The following PHACTR3 variants were observed in gnomAD, a reference collection of about 807,000 sequenced individuals.
PHACTR3 encodes phosphatase and actin regulator 3.
Under a neutral mutation model 66.8 loss-of-function variants are expected in PHACTR3, and 16 were observed. The ratio of observed to expected loss-of-function variants is 0.24; its 90% CI spans 0.16 to 0.36. PHACTR3 has a LOEUF of 0.36. Ranked by LOEUF, PHACTR3 falls within the 10% of genes least tolerant of loss-of-function variation. The pLI is 1.00. For missense variants in PHACTR3, 647 were observed against 719.9 expected (o/e 0.90, Z 1.16); for synonymous variants, 323 against 292.1 (o/e 1.11, Z -1.08).
At chr20:59,764,810 T>G (rs1348243817) in intron 4 of PHACTR3, among the ~76,000 whole-genome samples, 1 of 152,190 alleles carries the variant, frequency 6.6e-6, no homozygotes, top group African/African-American at 2.4e-5. Flanking sequence ...ATTAAAGGAC[T>G]TCAGAATAAT....
intron 1 of PHACTR3, among the ~76,000 whole-genome samples, chr20:59,674,877 CCG>C (rs1402694151): frequency 1.3e-4 from 14 of 104,480 alleles, no homozygotes; most frequent in Non-Finnish European, 2.4e-4. Context: ...CTCCTGTCCC[CCG>C]CTTCTCCTGT....
Position 59,755,603 on chromosome 20 carries a change from C to T in PHACTR3, c.541+239C>T, listed in dbSNP as rs146606158. ...ACGGCTGATAAGTGAAGGTACTTAA[C>T]GATGTTCATCTCCCTGGCACACCTA... On this transcript the variant is annotated intron_variant, in intron 4 of 12. Transcript: ENST00000371015. Among the ~76,000 whole-genome samples the T allele has an allele frequency of 4.4e-3, 644 of 147,432 alleles. 6 individuals are homozygous for T. The highest frequency in any genetic ancestry group is 0.013 in the African/African-American group (528 of 40,076).
chr20:59,845,141 T>C, intron 11 of PHACTR3, 48 bp from the exon 12 acceptor site: 1 of 1,212,370 alleles, frequency 8.2e-7, no homozygotes, highest in East Asian at 2.4e-5. Flanking sequence ...GCTAATTTCC[T>C]GATTTTTTTA....
At chr20:59,710,518 GCA>G (rs1182173268) in intron 1 of PHACTR3, among the ~76,000 whole-genome samples, 35 of 152,264 alleles carry the variant, frequency 2.3e-4, no homozygotes, top group Admixed American at 2.2e-3. Flanking sequence ...TAAAAGGCAG[GCA>G]CACACTTTCA....
In PHACTR3 at chr20:59,623,181, G is replaced by A. The variant is rs111391160; in HGVS notation, c.118+18049G>A. On this transcript the variant is annotated intron_variant, in intron 1 of 12. Coordinates refer to ENST00000371015, the MANE Select transcript of PHACTR3 (RefSeq NM_080672.5). ...TTTTAAAACTGGAAAAGTAGAACGCGCGCATGTTGAAAAATTCCAGGGCGG... is the reference window on the plus strand; with the variant it reads ...TTTTAAAACTGGAAAAGTAGAACGCACGCATGTTGAAAAATTCCAGGGCGG... Among the ~76,000 whole-genome samples the A allele has an allele frequency of 1.4e-3, 207 of 152,030 alleles. 1 individual carries two copies. The highest frequency in any genetic ancestry group is 4.8e-3 in the African/African-American group (198 of 41,458).
intron 1 of PHACTR3, among the ~76,000 whole-genome samples, chr20:59,741,754 CTT>C (rs5842281): frequency 1.4e-3 from 200 of 139,338 alleles, no homozygotes; most frequent in Middle Eastern, 3.7e-3. Flanking sequence ...TTCTTTCTTT[CTT>C]TTTTTTTTTT....
chr20:59,625,900 C>G (rs563484491), intron 1 of PHACTR3, among the ~76,000 whole-genome samples: 4 of 151,966 alleles, frequency 2.6e-5, no homozygotes, highest in African/African-American at 9.7e-5. Flanking sequence ...GAGGGTGCAC[C>G]GCTTGTATCT....
At chr20:59,778,769 G>C (rs2040622785) in intron 7 of PHACTR3, among the ~76,000 whole-genome samples, 2 of 152,216 alleles carry the variant, frequency 1.3e-5, no homozygotes, top group African/African-American at 4.8e-5. Flanking sequence ...ACAGGTGCCA[G>C]GTCCAGGGAG....
At chr20:59,840,202 T>G (rs184690663) in intron 9 of PHACTR3, among the ~76,000 whole-genome samples, 167 bp from the exon 10 acceptor site, 16 of 152,282 alleles carry the variant, frequency 1.1e-4, no homozygotes, top group African/African-American at 3.6e-4. Flanking sequence ...GACCATGATC[T>G]CCTGAGCAGT....
chr20:59,645,656 A>G (rs2035257252), intron 1 of PHACTR3, among the ~76,000 whole-genome samples: 1 of 152,178 alleles, frequency 6.6e-6, no homozygotes, highest in Admixed American at 6.5e-5. Context: ...AATTTATATA[A>G]TGATATACAT....
intron 1 of PHACTR3, among the ~76,000 whole-genome samples, chr20:59,620,782 A>G (rs1368757668): frequency 6.6e-6 from 1 of 151,560 alleles, no homozygotes; most frequent in Non-Finnish European, 1.5e-5. Flanking sequence ...ACCCTTTCCC[A>G]CCCTGGGAAT....
At chr20:59,743,370 A>T in intron 2 of PHACTR3, 102 bp downstream of exon 2, 2 of 1,400,308 alleles carry the variant, frequency 1.4e-6, no homozygotes, top group Non-Finnish European at 2.0e-6. Flanking sequence ...GCCCCTACAC[A>T]GGAGGGGCAG....
chr20:59,694,684 C>T (rs2037231667), intron 1 of PHACTR3, among the ~76,000 whole-genome samples: 1 of 152,136 alleles, frequency 6.6e-6, no homozygotes, highest in Admixed American at 6.5e-5. Context: ...AATAGTAGCA[C>T]CTACCTGGCT....
At chr20:59,837,985 A>G (rs1265310220) in intron 9 of PHACTR3, among the ~76,000 whole-genome samples, 1 of 152,206 alleles carries the variant, frequency 6.6e-6, no homozygotes, top group Admixed American at 6.5e-5. Context: ...AGCCTTAGAA[A>G]TAGAACTATC....
At chr20:59,618,322 TGTGAGTGTGTGTGTGC>T (rs2034108158) in intron 1 of PHACTR3, among the ~76,000 whole-genome samples, 1 of 151,702 alleles carries the variant, frequency 6.6e-6, no homozygotes, top group Admixed American at 6.6e-5. Context: ...AAGAGAGGGA[TGTGAGTGTGTGTGTGC>T]GTGAGTGTGT....
In PHACTR3 at chr20:59,604,674, C is replaced by G. The variant is rs913015306; in HGVS notation, c.-341C>G. On this transcript the variant is annotated 5_prime_UTR_variant, in exon 1 of 13. Transcript: ENST00000371015. The stretch of plus-strand genomic sequence containing the variant: ...CCCTGCCCCAAGCACGCAATAAACA[C>G]TGACAAGAAAAAGTTTTTATTTCCT... 2 of 1,002,098 alleles carry G rather than the reference C, an allele frequency of 2.0e-6. No individual in the cohort carries two copies. The highest frequency in any genetic ancestry group is 3.5e-5 in the African/African-American group (2 of 57,918). The allele number at this position is 1,002,098 out of a possible 1,614,324, so 62.1% of individuals were successfully genotyped here.
chr20:59,693,611 G>A (rs575994432), intron 1 of PHACTR3, among the ~76,000 whole-genome samples: 2 of 152,328 alleles, frequency 1.3e-5, no homozygotes, highest in South Asian at 4.1e-4. Flanking sequence ...TGGTGTATCA[G>A]TTACCTGTTT....
At chr20:59,653,775 A>G (rs2035531355) in intron 1 of PHACTR3, among the ~76,000 whole-genome samples, 1 of 152,218 alleles carries the variant, frequency 6.6e-6, no homozygotes, top group African/African-American at 2.4e-5. Flanking sequence ...AAAATCTTAC[A>G]TTTAAATTAG....
chr20:59,663,970 C>T (rs988627809), intron 1 of PHACTR3, among the ~76,000 whole-genome samples: 27 of 152,270 alleles, frequency 1.8e-4, no homozygotes, highest in African/African-American at 6.3e-4. Flanking sequence ...GATGTTGATG[C>T]ATATTGAAAC....
Sources: allele counts gnomAD v4.1 joint callset (sites outside exome capture counted in the v4.1 genomes callset), GRCh38; gene constraint gnomAD v4.1.1; transcripts MANE v1.5; gene names NCBI Gene and HGNC (gene_info 2026-07-23, HGNC 2026-07-21).